The following HSPA4L variants were observed in gnomAD, a reference collection of about 807,000 sequenced individuals.
HSPA4L encodes the protein heat shock protein family A (Hsp70) member 4 like.
In HSPA4L, 48 loss-of-function variants were observed where a neutral mutation model predicts 100.3. That is an observed-to-expected ratio of 0.48 (90% CI 0.38 to 0.61). The LOEUF (loss-of-function observed/expected upper bound fraction) is 0.61, where lower values mean the gene tolerates loss of function less well. HSPA4L is among the 20% of genes least tolerant of loss of function. HSPA4L has a pLI of 0.00. For synonymous variants in HSPA4L, 319 were observed against 328.2 expected (o/e 0.97, Z 0.30); for missense variants, 886 against 988.6 (o/e 0.90, Z 1.39).
At position 127,801,242 on chromosome 4, in the gene HSPA4L, G is replaced by A; in HGVS notation, c.529+5G>A. 1 of 1,590,182 alleles carries A rather than the reference G, an allele frequency of 6.3e-7. No individual in the cohort carries two copies. Among genetic ancestry groups the A allele is most frequent in the Non-Finnish European group, 8.6e-7 (1 of 1,167,128 alleles). On this transcript the variant is annotated splice_donor_5th_base_variant and intron_variant, in intron 5 of 18. Transcript: ENST00000296464. ...TGATGAATGAAACTACTGCAGGTGA[G>A]CACTTTGCAATTTGAAAATCACTAT...
At chr4:127,800,292 C>G (rs1733138786) in intron 4 of HSPA4L, among the ~76,000 whole-genome samples, 1 of 152,024 alleles carries the variant, frequency 6.6e-6, no homozygotes, top group African/African-American at 2.4e-5. Flanking sequence ...AGACCCGTCT[C>G]TACAGTTTTG....
chr4:127,805,601 A>G, intron 9 of HSPA4L, 86 bp from the exon 10 acceptor site: 1 of 919,090 alleles, frequency 1.1e-6, no homozygotes, highest in Non-Finnish European at 1.6e-6. Flanking sequence ...TTGTAATAGG[A>G]GGACTCTATT....
chr4:127,811,441 C>T lies in HSPA4L; in HGVS notation c.1383C>T (p.Ser461=). Residue 461 remains serine (S), a synonymous_variant, in exon 12 of 19, where the codon AGC becomes AGT. Coordinates refer to ENST00000296464, the MANE Select transcript of HSPA4L (RefSeq NM_014278.4). ...TGGAGTTCTTTTTTCCTTAAGGGAG[C>T]TTCACTATTCAGAATGTTTTTCCAC... ...EVPYPDARIG[S]FTIQNVFPQS... is the part of the protein sequence containing the mutation. 6 of 1,613,138 alleles carry T rather than the reference C, an allele frequency of 3.7e-6. No homozygotes were observed. The highest frequency in any genetic ancestry group is 5.1e-6 in the Non-Finnish European group (6 of 1,179,356).
At position 127,814,716 on chromosome 4, in the gene HSPA4L, G is replaced by A. The variant is rs182666345; in HGVS notation, c.1578+3080G>A. On this transcript the variant is annotated intron_variant, in intron 12 of 18. Coordinates refer to ENST00000296464, the MANE Select transcript of HSPA4L (RefSeq NM_014278.4). ...CTAGTAGCTGAGATTACAGGCATACGCCACCACGCCTGGCAGATTTTTGTA... is the reference window on the plus strand; with the variant it reads ...CTAGTAGCTGAGATTACAGGCATACACCACCACGCCTGGCAGATTTTTGTA... Among the ~76,000 whole-genome samples, 8 of 152,134 alleles carry A rather than the reference G, an allele frequency of 5.3e-5. No individual in the cohort carries two copies. The East Asian group carries it at 9.7e-4, about 18-fold the overall frequency.
At chr4:127,819,176 T>G (rs528328877) in intron 13 of HSPA4L, among the ~76,000 whole-genome samples, 11 of 152,188 alleles carry the variant, frequency 7.2e-5, no homozygotes, top group Non-Finnish European at 1.3e-4. Context: ...GTGTAAAAAT[T>G]AATACTTTCA....
At chr4:127,830,834 T>G in intron 18 of HSPA4L, 35 bp downstream of exon 18, 1 of 1,388,166 alleles carries the variant, frequency 7.2e-7, no homozygotes, top group Non-Finnish European at 9.6e-7. Context: ...TTTAATGGTT[T>G]CAAGTATTAA....
intron 16 of HSPA4L, among the ~76,000 whole-genome samples, chr4:127,824,624 C>A (rs1733897106): frequency 6.6e-6 from 1 of 152,158 alleles, no homozygotes; most frequent in African/African-American, 2.4e-5. Context: ...AGGAGTCACC[C>A]TCTTCTCCTG....
rs367812857 is a variant in HSPA4L, at chr4:127,833,645, G to A, written c.*771G>A. 4 of 152,306 alleles carry A rather than the reference G, an allele frequency of 2.6e-5. No homozygotes were observed. In the South Asian group the frequency reaches 8.3e-4, roughly 32 times the overall value. The allele number at this position is 152,306 out of a possible 1,614,324, so 9.4% of individuals were successfully genotyped here. ...GAGTCTCTGACAAAATGACTTTCAT[G>A]TTAAGGGGAAATGCTGTTTATCTAC... On this transcript the variant is annotated 3_prime_UTR_variant, in exon 19 of 19. Coordinates refer to ENST00000296464, the MANE Select transcript of HSPA4L (RefSeq NM_014278.4).
Position 127,795,854 on chromosome 4 carries a change from G to T in HSPA4L, c.252G>T (p.Arg84Ser), listed in dbSNP as rs375802667. 6.2e-7 allele frequency: 1 copy of T among 1,613,582 alleles called. No homozygotes were observed. Among genetic ancestry groups the T allele is most frequent in the African/African-American group, 1.3e-5 (1 of 74,928 alleles). The change falls in exon 3 of 19, where the codon AGG becomes AGT. Residue 84 changes from arginine to serine, a missense_variant. Transcript: ENST00000296464. ...SFDDPIVQTE[R>S]IRLPYELQKM... Reference sequence around the variant, plus strand: ...ATGATCCCATTGTGCAAACTGAAAGGATCAGGCTTCCCTATGAACTGCAGA... The same window carrying T: ...ATGATCCCATTGTGCAAACTGAAAGTATCAGGCTTCCCTATGAACTGCAGA...
rs1038110611 is a variant in HSPA4L, at chr4:127,834,968, T to C, written c.*2094T>C. 1 of 152,222 alleles carries C rather than the reference T, an allele frequency of 6.6e-6. No individual in the cohort carries two copies. The highest frequency in any genetic ancestry group is 1.5e-5 in the Non-Finnish European group (1 of 68,038). 9.4% of individuals were successfully genotyped at this position (152,222 alleles called of 1,614,324 possible). ...TAACTTATATACATCCAAATATATA[T>C]ACTTTTTCTACCCAATTATTCAACT... On this transcript the variant is annotated 3_prime_UTR_variant, in exon 19 of 19. Transcript: ENST00000296464.
At chr4:127,808,520 G>A (rs889498420) in intron 11 of HSPA4L, among the ~76,000 whole-genome samples, 5 of 152,058 alleles carry the variant, frequency 3.3e-5, no homozygotes, top group Non-Finnish European at 1.5e-5. Context: ...TTGGGAGGTT[G>A]TATGTAGGTT....
At position 127,829,873 on chromosome 4, in the gene HSPA4L, ATG is replaced by A. The variant is rs148729021; in HGVS notation, c.2167-762_2167-761del. On this transcript the variant is annotated intron_variant, in intron 17 of 18. Transcript: ENST00000296464. Reference sequence around the variant, plus strand: ...ATGACATAGGAAGAAATTCAAGAAAATGTGGCGACCTAGAAACTGAGTCAGAT... The same window carrying A: ...ATGACATAGGAAGAAATTCAAGAAAATGGCGACCTAGAAACTGAGTCAGAT... Among the ~76,000 whole-genome samples the A allele has an allele frequency of 8.5e-3, 1,295 of 152,170 alleles. 20 individuals carry two copies. Among genetic ancestry groups the A allele is most frequent in the African/African-American group, 0.029 (1,206 of 41,532 alleles).
Position 127,836,816 on chromosome 4 carries a change from G to A in HSPA4L, c.*3942G>A, listed in dbSNP as rs1239745784. On this transcript the variant is annotated 3_prime_UTR_variant, in exon 19 of 19. Transcript: ENST00000296464. ...TCCCATTAGGATTTTCTGTTTTATA[G>A]TAAATAGTTGGTATTTGGTAGTCCA... is the stretch of plus-strand genomic sequence containing the variant. 3 of 152,102 alleles carry A rather than the reference G, an allele frequency of 2.0e-5. No individual in the cohort carries two copies. The highest frequency in any genetic ancestry group is 1.3e-4 in the Admixed American group (2 of 15,274). 9.4% of individuals were successfully genotyped at this position (152,102 alleles called of 1,614,324 possible).
rs751472920 is a variant in HSPA4L at position 127,801,254 on chromosome 4, T to C, written c.529+17T>C. 6.4e-7 allele frequency: 1 copy of C among 1,552,968 alleles called. No homozygotes were observed. The highest frequency in any genetic ancestry group is 1.2e-5 in the South Asian group (1 of 85,982). Reference sequence around the variant, plus strand: ...CTACTGCAGGTGAGCACTTTGCAATTTGAAAATCACTATAAGCAAAATACT... The same window carrying C: ...CTACTGCAGGTGAGCACTTTGCAATCTGAAAATCACTATAAGCAAAATACT... On this transcript the variant is annotated intron_variant, in intron 5 of 18. Coordinates refer to ENST00000296464, the MANE Select transcript of HSPA4L (RefSeq NM_014278.4).
Position 127,840,232 on chromosome 4 carries a change from AAATAAAT to A in HSPA4L, c.*7364_*7370del, listed in dbSNP as rs1249944420. ...CAAGACTCCATCTCAAGAAAAAAAT[AAATAAAT>A]AATAATTTGTGTATGTGATGACTGA... On this transcript the variant is annotated 3_prime_UTR_variant, in exon 19 of 19. Coordinates refer to ENST00000296464, the MANE Select transcript of HSPA4L (RefSeq NM_014278.4). 1 of 152,158 alleles carries A rather than the reference AAATAAAT, an allele frequency of 6.6e-6. No homozygotes were observed. Among genetic ancestry groups the A allele is most frequent in the African/African-American group, 2.4e-5 (1 of 41,432 alleles). 9.4% of individuals were successfully genotyped at this position (152,158 alleles called of 1,614,324 possible).
At chr4:127,798,437 T>C in intron 3 of HSPA4L, 150 bp from the exon 4 acceptor site, 3 of 695,518 alleles carry the variant, frequency 4.3e-6, no homozygotes, top group Non-Finnish European at 7.0e-6. Flanking sequence ...GGATCATGAT[T>C]CTAAAATGAC....
At chr4:127,832,422 T>G (rs543872102) in intron 18 of HSPA4L, among the ~76,000 whole-genome samples, 134 of 152,288 alleles carry the variant, frequency 8.8e-4, no homozygotes, top group Non-Finnish European at 1.5e-3. Flanking sequence ...TGTATTTGAT[T>G]ATAAAGAAAC....
At chr4:127,792,669 T>G (rs1037928296) in intron 1 of HSPA4L, among the ~76,000 whole-genome samples, 9 of 152,202 alleles carry the variant, frequency 5.9e-5, no homozygotes, top group African/African-American at 2.2e-4. Flanking sequence ...AGAGTTCACG[T>G]TCTGGCTTCT....
rs769513282 is a variant in HSPA4L at position 127,801,795 on chromosome 4, G to A, written c.540G>A (p.Ala180=). The A allele has an allele frequency of 4.9e-5, 78 of 1,605,592 alleles. 1 individual carries two copies. In the South Asian group the frequency reaches 6.4e-4, roughly 13 times the overall value. Residue 180 remains alanine, a synonymous_variant, in exon 6 of 19, where the codon GCG becomes GCA. Coordinates refer to ENST00000296464, the MANE Select transcript of HSPA4L (RefSeq NM_014278.4). ...TTTGTTCTTATACAGTTGCACTGGC[G>A]TATGGAATTTATAAACAGGATCTTC... The part of the protein sequence containing the change: ...LMNETTAVAL[A]YGIYKQDLPP...
Sources: gnomAD v4.1 joint callset for allele counts (sites outside exome capture counted in the v4.1 genomes callset) on GRCh38, gnomAD v4.1.1 for gene constraint, MANE v1.5 for transcripts, NCBI Gene and HGNC (gene_info 2026-07-23, HGNC 2026-07-21) for gene names.